Variants in PGBD2 observed in about 807,000 individuals in gnomAD.
PGBD2 encodes piggyBac transposable element derived 2.
In PGBD2, 6 loss-of-function variants were observed where a neutral mutation model predicts 8.1. That is an observed-to-expected ratio of 0.74 (90% CI 0.40 to 1.46). The LOEUF is 1.46. PGBD2 is among the 40% of genes most tolerant of loss of function. PGBD2 has a pLI of 0.02. For synonymous variants in PGBD2, 318 were observed against 272.2 expected (o/e 1.17, Z -1.66); for missense variants, 802 against 739.0 (o/e 1.09, Z -0.99).
chr1:248,889,300 G>A, the PGBD2 span, among the ~76,000 whole-genome samples: 25 of 151,966 alleles, frequency 1.6e-4, no homozygotes, highest in Non-Finnish European at 2.9e-4. Flanking sequence ...CAGGAGAATC[G>A]CTTGAACCTG....
At chr1:248,883,338 G>T in the PGBD2 span, among the ~76,000 whole-genome samples, 4 of 152,186 alleles carry the variant, frequency 2.6e-5, no homozygotes, top group South Asian at 8.3e-4. Flanking sequence ...GGTCAGGCTG[G>T]TCTCAAACTC....
At chr1:248,888,220 T>A in the PGBD2 span, among the ~76,000 whole-genome samples, 5,279 of 152,286 alleles carry the variant, frequency 0.035, 304 homozygotes, top group African/African-American at 0.12. Context: ...GCAATAAACT[T>A]ATGAGCGCAG....
At chr1:248,879,406 G>GT in the PGBD2 span, among the ~76,000 whole-genome samples, 1 of 151,844 alleles carries the variant, frequency 6.6e-6, no homozygotes, top group African/African-American at 2.4e-5. Flanking sequence ...TTTATTTTTT[G>GT]TTTTTTGAGA....
the PGBD2 span, among the ~76,000 whole-genome samples, chr1:248,929,333 T>C: frequency 6.6e-6 from 1 of 152,162 alleles, no homozygotes; most frequent in Non-Finnish European, 1.5e-5. Context: ...ATATGAACAT[T>C]TCCACCACCT....
At chr1:248,875,090 GAT>G in the PGBD2 span, among the ~76,000 whole-genome samples, 2 of 152,084 alleles carry the variant, frequency 1.3e-5, no homozygotes, top group East Asian at 3.9e-4. Context: ...GAGGTCAGGA[GAT>G]CGAGACCATC....
chr1:248,909,615 G>C (rs540570698), intron 1 of PGBD2, among the ~76,000 whole-genome samples: 96 of 152,296 alleles, frequency 6.3e-4, no homozygotes, highest in Non-Finnish European at 7.3e-4. Context: ...TGGGGATACA[G>C]AGGTGGGGTC....
chr1:248,917,366 C>A lies in PGBD2; in HGVS notation c.782C>A (p.Pro261His). 1 of 1,614,108 alleles carries A rather than the reference C, an allele frequency of 6.2e-7. No homozygotes were observed. The highest frequency in any genetic ancestry group is 1.1e-5 in the South Asian group (1 of 91,076). Residue 261 changes from proline (P) to histidine (H), a missense_variant, in exon 3 of 3, where the codon CCC (proline) becomes CAC (histidine). Transcript: ENST00000329291. ...RMNCNFQKHA[P>H]LEEFYSFGES... ...AACTGCAATTTCCAGAAGCATGCAC[C>A]CTTGGAAGAGTTCTACAGCTTTGGC...
rs1662165055 is a variant in PGBD2, at chr1:248,917,793, T to C, written c.1209T>C (p.Asp403=). 4 of 1,614,028 alleles carry C rather than the reference T, an allele frequency of 2.5e-6. No individual in the cohort carries two copies. Among genetic ancestry groups the C allele is most frequent in the African/African-American group, 1.3e-5 (1 of 74,886 alleles). Residue 403 remains aspartate (D), a synonymous_variant, in exon 3 of 3, where the codon GAT becomes GAC. Transcript: ENST00000329291. Reference sequence around the variant, plus strand: ...GGGGTTCATTTGATTACAAAGTCGATGAGAGTGAGGAGATCATCGTGTGCC... The same window carrying C: ...GGGGTTCATTTGATTACAAAGTCGACGAGAGTGAGGAGATCATCGTGTGCC... ...MKRGSFDYKV[D]ESEEIIVCRW...
At chr1:248,900,587 T>C in the PGBD2 span, among the ~76,000 whole-genome samples, 1 of 152,062 alleles carries the variant, frequency 6.6e-6, no homozygotes. Context: ...TTGAAGAAAA[T>C]ACCTCAAAAT....
the PGBD2 span, among the ~76,000 whole-genome samples, chr1:248,929,540 C>A: frequency 6.6e-6 from 1 of 152,160 alleles, no homozygotes; most frequent in African/African-American, 2.4e-5. Context: ...TTAAACCCTC[C>A]GAGTCAGGAG....
the PGBD2 span, among the ~76,000 whole-genome samples, chr1:248,880,017 T>G: frequency 2.0e-5 from 3 of 152,332 alleles, no homozygotes; most frequent in South Asian, 4.1e-4. Context: ...GGAGTCTGAG[T>G]GCTTCTGCTG....
At chr1:248,922,672 G>A (rs1285630131), downstream of PGBD2, among the ~76,000 whole-genome samples, 1 of 152,176 alleles carries the variant, frequency 6.6e-6, no homozygotes, top group Non-Finnish European at 1.5e-5. Context: ...ATGAAGGGCT[G>A]TTGAATTTTG....
chr1:248,927,095 A>G, the PGBD2 span, among the ~76,000 whole-genome samples: 2 of 152,158 alleles, frequency 1.3e-5, no homozygotes, highest in African/African-American at 4.8e-5. Context: ...CTGACACACA[A>G]AGGCTGGCTC....
chr1:248,906,812 G>C (rs1252264241), intron 1 of PGBD2, among the ~76,000 whole-genome samples: 1 of 152,110 alleles, frequency 6.6e-6, no homozygotes, highest in Non-Finnish European at 1.5e-5. Flanking sequence ...AAGCTGCTGA[G>C]GTTTCTGAGG....
intron 2 of PGBD2, among the ~76,000 whole-genome samples, chr1:248,914,920 T>G (rs1221199127): frequency 6.6e-6 from 1 of 152,186 alleles, no homozygotes; most frequent in Non-Finnish European, 1.5e-5. Context: ...TCTGCAGATG[T>G]TGAATCCCTT....
Position 248,917,090 on chromosome 1 carries a change from A to G in PGBD2, c.506A>G (p.Asn169Ser). 1 of 1,613,842 alleles carries G rather than the reference A, an allele frequency of 6.2e-7. No individual in the cohort carries two copies. ...NETNRYAWQK[N>S]VNLSLTAQEL... ...ACCAATCGTTATGCTTGGCAGAAAA[A>G]TGTCAATTTGAGTCTTACGGCTCAG... is the stretch of plus-strand genomic sequence containing the variant. The change falls in exon 3 of 3, where the codon AAT becomes AGT. Residue 169 changes from asparagine to serine, a missense_variant. Physicochemically the swap from Asn to Ser is conservative, Grantham distance 46. Coordinates refer to ENST00000329291, the MANE Select transcript of PGBD2 (RefSeq NM_170725.3).
chr1:248,928,623 T>G, the PGBD2 span, among the ~76,000 whole-genome samples: 1 of 152,258 alleles, frequency 6.6e-6, no homozygotes, highest in East Asian at 1.9e-4. Context: ...TCTGTTCTCT[T>G]TCCACTGCAT....
At chr1:248,926,750 A>G in the PGBD2 span, among the ~76,000 whole-genome samples, 4 of 152,222 alleles carry the variant, frequency 2.6e-5, no homozygotes, top group Non-Finnish European at 5.9e-5. Context: ...TCATGTGGGA[A>G]TACTGAACAC....
In PGBD2 at chr1:248,919,140, A is replaced by G. The variant is rs1662228888; in HGVS notation, c.*777A>G. Reference sequence around the variant, plus strand: ...TAAAATGTGCAATTAAATTATTTTTAACTATATTCACCCTGTTGTGCTAGC... The same window carrying G: ...TAAAATGTGCAATTAAATTATTTTTGACTATATTCACCCTGTTGTGCTAGC... On this transcript the variant is annotated 3_prime_UTR_variant, in exon 3 of 3. Coordinates refer to ENST00000329291, the MANE Select transcript of PGBD2 (RefSeq NM_170725.3). 1 of 166,986 alleles carries G rather than the reference A, an allele frequency of 6.0e-6. No homozygotes were observed. The highest frequency in any genetic ancestry group is 1.5e-5 in the Non-Finnish European group (1 of 68,100). 10.3% of individuals were successfully genotyped at this position (166,986 alleles called of 1,614,324 possible).
Sources: gnomAD v4.1 joint callset for allele counts (sites outside exome capture counted in the v4.1 genomes callset) on GRCh38, gnomAD v4.1.1 for gene constraint, MANE v1.5 for transcripts, NCBI Gene and HGNC (gene_info 2026-07-23, HGNC 2026-07-21) for gene names.